The following WWOX variants were observed in gnomAD, a reference collection of about 807,000 sequenced individuals.
WWOX encodes WW domain-containing oxidoreductase.
In WWOX, 69 loss-of-function variants were observed where a neutral mutation model predicts 46.2. The ratio of observed to expected loss-of-function variants is 1.49; its 90% CI spans 1.23 to 1.82. The LOEUF (loss-of-function observed/expected upper bound fraction) is 1.82, where lower values mean the gene tolerates loss of function less well. WWOX is among the 40% of genes most tolerant of loss of function. The pLI, the probability that WWOX is intolerant of heterozygous loss-of-function variation, is 0.00. For missense variants in WWOX, 919 were observed against 542.6 expected (o/e 1.69, Z -6.89); for synonymous variants, 359 against 202.6 (o/e 1.77, Z -6.56).
At chr16:78,356,226 G>C (rs1041891783) in intron 5 of WWOX, among the ~76,000 whole-genome samples, 1 of 151,826 alleles carries the variant, frequency 6.6e-6, no homozygotes, top group Non-Finnish European at 1.5e-5. Context: ...ATATTTGTGT[G>C]AATCATATAC....
intron 5 of WWOX, among the ~76,000 whole-genome samples, chr16:78,229,500 C>CTATATATATATA (rs1202195249): frequency 8.1e-5 from 9 of 110,524 alleles, no homozygotes; most frequent in African/African-American, 2.6e-4. Flanking sequence ...ATATATTTAT[C>CTATATATATATA]TATATCTATA....
At chr16:78,905,637 C>T (rs2044942785) in intron 8 of WWOX, among the ~76,000 whole-genome samples, 1 of 152,094 alleles carries the variant, frequency 6.6e-6, no homozygotes, top group African/African-American at 2.4e-5. Flanking sequence ...AGCTGTGGCC[C>T]CTTCCAAAGT....
intron 8 of WWOX, among the ~76,000 whole-genome samples, chr16:78,793,351 A>C (rs1376624029): frequency 6.6e-6 from 1 of 152,188 alleles, no homozygotes; most frequent in Non-Finnish European, 1.5e-5. Flanking sequence ...GTGAGTCACC[A>C]TGCCAGGCCC....
At chr16:79,002,728 C>G (rs977538516) in intron 8 of WWOX, among the ~76,000 whole-genome samples, 8 of 152,168 alleles carry the variant, frequency 5.3e-5, no homozygotes, top group Admixed American at 5.2e-4. Context: ...GAGGTGAAAA[C>G]TGACACTTAG....
chr16:79,108,468 G>A (rs552842665), intron 8 of WWOX, among the ~76,000 whole-genome samples: 2 of 152,250 alleles, frequency 1.3e-5, no homozygotes, highest in African/African-American at 2.4e-5. Flanking sequence ...ATTGCAAGGT[G>A]CAGGTATGTT....
chr16:78,400,576 C>G (rs1015691552), intron 6 of WWOX, among the ~76,000 whole-genome samples: 4 of 152,110 alleles, frequency 2.6e-5, no homozygotes, highest in Non-Finnish European at 2.9e-5. Flanking sequence ...TATTTCCCAA[C>G]TTGGCCCATG....
At chr16:78,608,912 A>G (rs1165367638) in intron 8 of WWOX, among the ~76,000 whole-genome samples, 1 of 152,124 alleles carries the variant, frequency 6.6e-6, no homozygotes, top group African/African-American at 2.4e-5. Context: ...GAAACTTCCT[A>G]TATGCTCGAA....
intron 8 of WWOX, among the ~76,000 whole-genome samples, chr16:78,532,593 A>C (rs1215746139): frequency 6.6e-6 from 1 of 152,224 alleles, no homozygotes. Flanking sequence ...GGCATACCCA[A>C]TACTAGGTCA....
chr16:78,476,705 A>C (rs77352397), intron 8 of WWOX, among the ~76,000 whole-genome samples: 2,134 of 152,296 alleles, frequency 0.014, 47 homozygotes, highest in African/African-American at 0.049. Flanking sequence ...AGTCTGCTTA[A>C]ATTATAAGCT....
chr16:78,747,451 C>T (rs1223754111), intron 8 of WWOX, among the ~76,000 whole-genome samples: 3 of 152,090 alleles, frequency 2.0e-5, no homozygotes, highest in South Asian at 2.1e-4. Flanking sequence ...TAAAAATACC[C>T]ATCATTTATG....
chr16:78,255,275 T>G (rs1264831130), intron 5 of WWOX, among the ~76,000 whole-genome samples: 1 of 152,176 alleles, frequency 6.6e-6, no homozygotes, highest in Non-Finnish European at 1.5e-5. Flanking sequence ...GCTCCTAGGT[T>G]TTCTTACTTC....
chr16:78,309,591 T>G (rs1234119139), intron 5 of WWOX, among the ~76,000 whole-genome samples: 1 of 152,186 alleles, frequency 6.6e-6, no homozygotes, highest in Non-Finnish European at 1.5e-5. Flanking sequence ...AATCAAGGTG[T>G]AACCCAGCCA....
In WWOX at chr16:78,592,286, T is replaced by C. The variant is rs149575947; in HGVS notation, c.1056+159534T>C. Among the ~76,000 whole-genome samples, 1,004 of 152,362 alleles carry C rather than the reference T, an allele frequency of 6.6e-3. 8 individuals carry two copies. The highest frequency in any genetic ancestry group is 0.023 in the African/African-American group (945 of 41,596). On this transcript the variant is annotated intron_variant, in intron 8 of 8. Transcript: ENST00000566780. The stretch of plus-strand genomic sequence containing the variant: ...ATTCTATTTCACTAAATAGGACATA[T>C]GTGTCTTCTGCCAAGATGTGGAATT...
chr16:78,961,565 TG>T, intron 8 of WWOX, among the ~76,000 whole-genome samples: 1 of 151,894 alleles, frequency 6.6e-6, no homozygotes, highest in Non-Finnish European at 1.5e-5. Flanking sequence ...GGTGGGTTGG[TG>T]GGTGCATGGA....
At chr16:79,143,684 G>T (rs1597414860) in intron 8 of WWOX, among the ~76,000 whole-genome samples, 1 of 152,150 alleles carries the variant, frequency 6.6e-6, no homozygotes. Context: ...TATGTCTTGT[G>T]TGTGGTGACT....
At chr16:78,623,616 G>T (rs957778883) in intron 8 of WWOX, among the ~76,000 whole-genome samples, 2 of 151,974 alleles carry the variant, frequency 1.3e-5, no homozygotes, top group African/African-American at 4.8e-5. Flanking sequence ...AGAGGCAGGG[G>T]TTGCAGTGAG....
At chr16:78,268,073 C>A (rs1189225912) in intron 5 of WWOX, among the ~76,000 whole-genome samples, 3 of 152,224 alleles carry the variant, frequency 2.0e-5, no homozygotes, top group Admixed American at 6.5e-5. Context: ...CCTGCCTTGT[C>A]ATCCCAAAGT....
intron 8 of WWOX, among the ~76,000 whole-genome samples, chr16:78,975,564 C>A (rs750854030): frequency 6.6e-6 from 1 of 151,888 alleles, no homozygotes; most frequent in Non-Finnish European, 1.5e-5. Flanking sequence ...GTGCTGAATG[C>A]CTGTTCATGT....
At chr16:78,113,124 T>G (rs1382829779) in intron 3 of WWOX, among the ~76,000 whole-genome samples, 1 of 152,194 alleles carries the variant, frequency 6.6e-6, no homozygotes, top group Non-Finnish European at 1.5e-5. Flanking sequence ...GAGCAGCAGT[T>G]CTCAGGCATG....
Sources: allele counts gnomAD v4.1 joint callset (sites outside exome capture counted in the v4.1 genomes callset), GRCh38; gene constraint gnomAD v4.1.1; transcripts MANE v1.5; gene names NCBI Gene and HGNC (gene_info 2026-07-23, HGNC 2026-07-21).